Variants in RBFOX1 observed in about 807,000 individuals in gnomAD.
RBFOX1 encodes the protein RNA binding protein fox-1 homolog 1.
Under a neutral mutation model 57.7 loss-of-function variants are expected in RBFOX1, and 8 were observed. The ratio of observed to expected loss-of-function variants is 0.14; its 90% CI spans 0.08 to 0.25. RBFOX1 has a LOEUF of 0.25. Among genes scored for constraint, RBFOX1 ranks in the 10% least tolerant of loss-of-function variants. The pLI is 1.00. For synonymous variants in RBFOX1, 326 were observed against 222.4 expected, an observed-to-expected ratio of 1.47 and a Z score of -4.15; for missense variants, 611 against 548.5, an observed-to-expected ratio of 1.11 and a Z score of -1.14.
chr16:7,410,306 A>G (rs2098410932), intron 4 of RBFOX1, among the ~76,000 whole-genome samples: 1 of 152,192 alleles, frequency 6.6e-6, no homozygotes, highest in African/African-American at 2.4e-5. Context: ...CTCTCACTTG[A>G]CAAATAAGGA....
chr16:6,845,079 A>G (rs1245889240), intron 3 of RBFOX1, among the ~76,000 whole-genome samples: 1 of 152,186 alleles, frequency 6.6e-6, no homozygotes, highest in African/African-American at 2.4e-5. Context: ...TCTGGATATT[A>G]GACCTTTGTC....
At chr16:7,609,356 C>G (rs527568088) in intron 10 of RBFOX1, among the ~76,000 whole-genome samples, 1 of 152,090 alleles carries the variant, frequency 6.6e-6, no homozygotes, top group Non-Finnish European at 1.5e-5. Context: ...AGGAAAATAC[C>G]TAATATCCCC....
chr16:5,311,586 A>G (rs1167601887), intron 1 of RBFOX1, among the ~76,000 whole-genome samples: 1 of 152,146 alleles, frequency 6.6e-6, no homozygotes, highest in Admixed American at 6.5e-5. Flanking sequence ...TTTAATAATA[A>G]TCATTCTTGC....
At chr16:5,678,772 G>A (rs1317830905) in intron 3 of RBFOX1, among the ~76,000 whole-genome samples, 2 of 152,228 alleles carry the variant, frequency 1.3e-5, no homozygotes, top group African/African-American at 4.8e-5. Context: ...GGCATTGTGT[G>A]TAGAGTGGTG....
intron 11 of RBFOX1, among the ~76,000 whole-genome samples, chr16:7,633,906 C>A (rs1190356442): frequency 6.6e-6 from 1 of 152,112 alleles, no homozygotes; most frequent in Non-Finnish European, 1.5e-5. Context: ...TTTTCTCTTC[C>A]AGATTAGGTG....
At chr16:6,801,826 A>T (rs2085536087) in intron 3 of RBFOX1, among the ~76,000 whole-genome samples, 1 of 152,144 alleles carries the variant, frequency 6.6e-6, no homozygotes, top group Non-Finnish European at 1.5e-5. Context: ...ATACCTTCTA[A>T]GTTGTATGTC....
At chr16:5,907,487 C>G (rs2058488790) in intron 4 of RBFOX1, among the ~76,000 whole-genome samples, 1 of 152,110 alleles carries the variant, frequency 6.6e-6, no homozygotes, top group Non-Finnish European at 1.5e-5. Context: ...ACATCTGTCT[C>G]CTTCAGAGGG....
chr16:6,836,693 G>A (rs922124344), intron 3 of RBFOX1, among the ~76,000 whole-genome samples: 7 of 152,012 alleles, frequency 4.6e-5, no homozygotes, highest in African/African-American at 1.7e-4. Context: ...TATCCTGTGT[G>A]GACTATGATA....
chr16:6,007,602 G>T (rs1166774296), intron 4 of RBFOX1, among the ~76,000 whole-genome samples: 1 of 152,178 alleles, frequency 6.6e-6, no homozygotes, highest in Non-Finnish European at 1.5e-5. Flanking sequence ...AATTTTTGGA[G>T]TAAACAACAC....
intron 3 of RBFOX1, among the ~76,000 whole-genome samples, chr16:5,605,337 A>T (rs187172169): frequency 3.3e-5 from 5 of 152,310 alleles, no homozygotes; most frequent in Non-Finnish European, 1.5e-5. Flanking sequence ...GCCTGTAACC[A>T]TGTATGGAGA....
intron 3 of RBFOX1, among the ~76,000 whole-genome samples, chr16:6,922,014 G>A (rs888583857): frequency 6.6e-6 from 1 of 152,122 alleles, no homozygotes; most frequent in Non-Finnish European, 1.5e-5. Context: ...ACACCTTGTG[G>A]CTATTTAATG....
chr16:5,815,226 T>G (rs2055589900), intron 3 of RBFOX1, among the ~76,000 whole-genome samples: 1 of 144,410 alleles, frequency 6.9e-6, no homozygotes. Context: ...ACTCCTGAGC[T>G]CAAGTAATCC....
At chr16:6,869,371 G>A (rs550310637) in intron 3 of RBFOX1, among the ~76,000 whole-genome samples, 1 of 152,084 alleles carries the variant, frequency 6.6e-6, no homozygotes, top group Admixed American at 6.6e-5. Flanking sequence ...GTTGTAGGTA[G>A]AGAAAGAGTC....
At chr16:6,518,619 T>A (rs1421045438) in intron 2 of RBFOX1, among the ~76,000 whole-genome samples, 3 of 152,174 alleles carry the variant, frequency 2.0e-5, no homozygotes, top group African/African-American at 7.2e-5. Flanking sequence ...CTCCAGCTCT[T>A]GGGGCTTCTT....
rs79598917 is a variant in RBFOX1, at chr16:5,866,974, C to G, written c.319-329C>G. Among the ~76,000 whole-genome samples, 551 of 152,260 alleles carry G rather than the reference C, an allele frequency of 3.6e-3. 1 individual carries two copies. Among genetic ancestry groups the G allele is most frequent in the African/African-American group, 0.013 (530 of 41,548 alleles). ...AAAATGTCTTCAGTGCCTTTGTTTT[C>G]TTTTTCAGTGTTTATTTAATCATTA... is the stretch of plus-strand genomic sequence containing the variant. On this transcript the variant is annotated intron_variant, in intron 3 of 19. Coordinates refer to the RBFOX1 transcript ENST00000641259.
intron 2 of RBFOX1, among the ~76,000 whole-genome samples, chr16:6,614,004 A>G (rs899870009): frequency 6.6e-6 from 1 of 152,214 alleles, no homozygotes; most frequent in African/African-American, 2.4e-5. Flanking sequence ...TTATACAGCA[A>G]TTACTAACCA....
Position 7,267,650 on chromosome 16 carries a change from T to A in RBFOX1, c.27+215552T>A, listed in dbSNP as rs931415937. The stretch of plus-strand genomic sequence containing the variant: ...TGGGCGGATCACTTGAGGTCAGGAG[T>A]TCGAGACCAGCCTGGCCAACATGGC... On this transcript the variant is annotated intron_variant, in intron 4 of 15. Transcript: ENST00000550418. Among the ~76,000 whole-genome samples the A allele has an allele frequency of 7.3e-5, 11 of 151,674 alleles. No homozygotes were observed. In the East Asian group the frequency reaches 1.9e-3, roughly 27 times the overall value.
At chr16:5,793,076 C>T (rs1420960429) in intron 3 of RBFOX1, among the ~76,000 whole-genome samples, 1 of 152,172 alleles carries the variant, frequency 6.6e-6, no homozygotes, top group Non-Finnish European at 1.5e-5. Flanking sequence ...AATGTACTTC[C>T]CGTTTTCCAG....
chr16:5,972,879 C>T (rs1050589896), intron 4 of RBFOX1, among the ~76,000 whole-genome samples: 7 of 152,186 alleles, frequency 4.6e-5, no homozygotes, highest in Admixed American at 1.3e-4. Flanking sequence ...GCTTTGAATG[C>T]TTGAGGAGTT....
Sources: gnomAD v4.1 joint callset for allele counts (sites outside exome capture counted in the v4.1 genomes callset) on GRCh38, gnomAD v4.1.1 for gene constraint, MANE v1.5 for transcripts, NCBI Gene and HGNC (gene_info 2026-07-23, HGNC 2026-07-21) for gene names.